The following KCNK13 variants were observed in gnomAD, a reference collection of about 807,000 sequenced individuals.
KCNK13 encodes the protein potassium channel subfamily K member 13.
A neutral mutation model predicts 23.4 loss-of-function variants in KCNK13; 12 were observed. That is an observed-to-expected ratio of 0.51 (90% CI 0.33 to 0.83). The LOEUF is 0.83. Among genes scored for constraint, KCNK13 ranks in the 40% least tolerant of loss-of-function variants. KCNK13 has a pLI of 0.02. For missense variants in KCNK13, 463 were observed against 556.3 expected, an observed-to-expected ratio of 0.83 and a Z score of 1.69; for synonymous variants, 231 against 229.5, an observed-to-expected ratio of 1.01 and a Z score of -0.06.
At chr14:90,155,682 G>A (rs530902354) in intron 1 of KCNK13, among the ~76,000 whole-genome samples, 1 of 152,288 alleles carries the variant, frequency 6.6e-6, no homozygotes, top group African/African-American at 2.4e-5. Context: ...CAGAGGAAGA[G>A]TACAAGATGA....
chr14:90,078,473 GA>G (rs1429652055), intron 1 of KCNK13, among the ~76,000 whole-genome samples: 9 of 145,178 alleles, frequency 6.2e-5, no homozygotes, highest in Non-Finnish European at 1.2e-4. Context: ...AGGAGGGAGG[GA>G]AGGAAGGAAG....
At chr14:90,147,301 G>A (rs1285152988) in intron 1 of KCNK13, among the ~76,000 whole-genome samples, 2 of 152,196 alleles carry the variant, frequency 1.3e-5, no homozygotes, top group African/African-American at 4.8e-5. Context: ...CACCCAGGCT[G>A]GAATGCAGTG....
chr14:90,131,943 A>G (rs1835767018), intron 1 of KCNK13, among the ~76,000 whole-genome samples: 1 of 152,244 alleles, frequency 6.6e-6, no homozygotes, highest in Non-Finnish European at 1.5e-5. Context: ...TACCCCAAAG[A>G]ATCGAAAGTA....
chr14:90,080,605 A>G (rs1482315837), intron 1 of KCNK13, among the ~76,000 whole-genome samples: 1 of 152,154 alleles, frequency 6.6e-6, no homozygotes, highest in Non-Finnish European at 1.5e-5. Context: ...AGGTTTTCAG[A>G]CTTGCTTTTA....
intron 1 of KCNK13, among the ~76,000 whole-genome samples, chr14:90,093,373 G>A (rs1009964136): frequency 1.3e-4 from 20 of 152,126 alleles, no homozygotes; most frequent in African/African-American, 4.3e-4. Flanking sequence ...AAATTAACTC[G>A]CAGTAATATC....
intron 1 of KCNK13, among the ~76,000 whole-genome samples, chr14:90,136,757 A>G (rs1889941342): frequency 6.6e-6 from 1 of 152,146 alleles, no homozygotes; most frequent in African/African-American, 2.4e-5. Flanking sequence ...GAATGGAGAA[A>G]GCCTGGCGAG....
chr14:90,108,568 G>A (rs1045639815), intron 1 of KCNK13, among the ~76,000 whole-genome samples: 2 of 152,046 alleles, frequency 1.3e-5, no homozygotes, highest in African/African-American at 2.4e-5. Context: ...TGTCCACCTT[G>A]TCCTCTCACA....
chr14:90,100,936 C>G (rs1280940052), intron 1 of KCNK13, among the ~76,000 whole-genome samples: 1 of 152,058 alleles, frequency 6.6e-6, no homozygotes, highest in South Asian at 2.1e-4. Context: ...TCAAGCAATC[C>G]TCCCACCTCA....
At position 90,178,537 on chromosome 14, in the gene KCNK13, G is replaced by A. The variant is rs979919980; in HGVS notation, c.335-5574G>A. On this transcript the variant is annotated intron_variant, in intron 1 of 1. Transcript: ENST00000282146. ...ACTCCCGACCTCAGGTGATCCGCCC[G>A]CCTCAGCCTCCCAAAGTGCTGGGAT... 7.9e-5 allele frequency among the ~76,000 whole-genome samples: 12 copies of A among 152,050 alleles called. No individual in the cohort carries two copies. In the South Asian group the frequency reaches 8.3e-4, roughly 11 times the overall value.
At chr14:90,063,475 G>A (rs561494113) in intron 1 of KCNK13, among the ~76,000 whole-genome samples, 2 of 152,242 alleles carry the variant, frequency 1.3e-5, no homozygotes, top group African/African-American at 4.8e-5. Flanking sequence ...TGATTAATGG[G>A]GGTTAGGGAA....
intron 1 of KCNK13, among the ~76,000 whole-genome samples, chr14:90,131,665 C>A (rs1889876166): frequency 6.6e-6 from 1 of 152,222 alleles, no homozygotes; most frequent in African/African-American, 2.4e-5. Flanking sequence ...GCAGCTAGGA[C>A]TATAGGCGTA....
At chr14:90,112,838 CAT>C in intron 1 of KCNK13, among the ~76,000 whole-genome samples, 1 of 150,026 alleles carries the variant, frequency 6.7e-6, no homozygotes, top group South Asian at 2.1e-4. Flanking sequence ...GGACAGCATT[CAT>C]ATAGACAAAA....
chr14:90,109,431 C>T (rs982479557), intron 1 of KCNK13, among the ~76,000 whole-genome samples: 23 of 101,888 alleles, frequency 2.3e-4, no homozygotes, highest in East Asian at 1.8e-3. Context: ...TTTTTTGAGG[C>T]GGAGTCTTGC....
rs141624724 is a variant in KCNK13 at position 90,167,981 on chromosome 14, C to T, written c.335-16130C>T. Among the ~76,000 whole-genome samples the T allele has an allele frequency of 6.6e-5, 10 of 152,278 alleles. No individual in the cohort carries two copies. In the East Asian group the frequency reaches 1.2e-3, roughly 18 times the overall value. ...GAGTAAGGAGCAACTATTTTCCTGTCGGCCACAAGGCCCCACGGTTAACCC... is the reference window on the plus strand; with the variant it reads ...GAGTAAGGAGCAACTATTTTCCTGTTGGCCACAAGGCCCCACGGTTAACCC... On this transcript the variant is annotated intron_variant, in intron 1 of 1. Coordinates refer to ENST00000282146, the MANE Select transcript of KCNK13 (RefSeq NM_022054.4).
At chr14:90,085,665 A>T (rs1214750392) in intron 1 of KCNK13, among the ~76,000 whole-genome samples, 12 of 143,986 alleles carry the variant, frequency 8.3e-5, no homozygotes, top group African/African-American at 2.3e-4. Context: ...GTCTCAAAAA[A>T]AAATATATAT....
chr14:90,111,579 T>G (rs537258607), intron 1 of KCNK13, among the ~76,000 whole-genome samples: 3 of 152,246 alleles, frequency 2.0e-5, no homozygotes, highest in African/African-American at 7.2e-5. Context: ...TGTTCGCTTT[T>G]GTTGTCCTGA....
intron 1 of KCNK13, among the ~76,000 whole-genome samples, chr14:90,089,848 C>CCTTGG (rs1889321820): frequency 2.0e-5 from 3 of 152,226 alleles, no homozygotes; most frequent in Admixed American, 6.5e-5. Flanking sequence ...GTGCAAGCCC[C>CCTTGG]AAGCCTTGGT....
At position 90,184,520 on chromosome 14, in the gene KCNK13, C is replaced by G; in HGVS notation, c.744C>G (p.Asn248Lys). The part of the protein sequence containing the change: ...IGFGDLVSSQ[N>K]AHYESQGLYR... ...TTGGGGACCTGGTCAGCAGCCAGAA[C>G]GCCCACTATGAGAGCCAAGGCCTCT... Residue 248 changes from asparagine to lysine, a missense_variant, in exon 2 of 2, where the codon AAC becomes AAG. By Grantham distance (94) the Asn-to-Lys change is moderately conservative. This residue lies in a region of KCNK13 where 144 missense variants were observed against 224.0 expected (regional missense o/e 0.64). Coordinates refer to ENST00000282146, the MANE Select transcript of KCNK13 (RefSeq NM_022054.4). This position sits in a 1 kb window ranked among gnomAD's most constrained non-coding sequence, Gnocchi z 5.6. 2 of 1,614,264 alleles carry G rather than the reference C, an allele frequency of 1.2e-6. No individual in the cohort carries two copies. The highest frequency in any genetic ancestry group is 1.7e-6 in the Non-Finnish European group (2 of 1,180,042).
At position 90,088,047 on chromosome 14, in the gene KCNK13, G is replaced by A. The variant is rs542234319; in HGVS notation, c.334+25508G>A. 1.2e-3 allele frequency among the ~76,000 whole-genome samples: 188 copies of A among 151,986 alleles called. 2 individuals are homozygous for A. Among genetic ancestry groups the A allele is most frequent in the Middle Eastern group, 3.4e-3 (1 of 294 alleles). ...AGACAGAGTCTCGCTCTATCACCCA[G>A]GCTGGAGTGCAGTGGTGTGATCTCA... On this transcript the variant is annotated intron_variant, in intron 1 of 1. Transcript: ENST00000282146.
Sources: allele counts gnomAD v4.1 joint callset (sites outside exome capture counted in the v4.1 genomes callset), GRCh38; gene constraint gnomAD v4.1.1; regional missense constraint gnomAD v4.1.1; non-coding constraint Gnocchi (gnomAD v3.1); transcripts MANE v1.5; gene names NCBI Gene and HGNC (gene_info 2026-07-23, HGNC 2026-07-21).